SLC17A5: variants seen among roughly 807,000 people sequenced by gnomAD.
SLC17A5 encodes the protein solute carrier family 17 member 5.
A neutral mutation model predicts 59.4 loss-of-function variants in SLC17A5; 47 were observed. The ratio of observed to expected loss-of-function variants is 0.79; its 90% CI spans 0.63 to 1.01. SLC17A5 has a LOEUF of 1.01. Among genes scored for constraint, SLC17A5 ranks in the 50% least tolerant of loss-of-function variants. The probability of loss-of-function intolerance (pLI) is 0.00; values close to 1 mark genes in which losing one functional copy is unlikely to be tolerated. For missense variants in SLC17A5, 522 were observed against 595.5 expected, an observed-to-expected ratio of 0.88 and a Z score of 1.28; for synonymous variants, 202 against 210.7, an observed-to-expected ratio of 0.96 and a Z score of 0.36.
intron 9 of SLC17A5, among the ~76,000 whole-genome samples, chr6:73,607,633 G>C (rs79683536): frequency 6.6e-6 from 1 of 151,982 alleles, no homozygotes; most frequent in Non-Finnish European, 1.5e-5. Flanking sequence ...GAGCAGGGGG[G>C]GCCCTCATCA....
Position 73,641,651 on chromosome 6 carries a change from C to T in SLC17A5, c.525+40G>A, listed in dbSNP as rs779542821. On this transcript the variant is annotated intron_variant, in intron 3 of 10. Transcript: ENST00000355773. Reference sequence around the variant, plus strand: ...CATCTTTAAGAAGAAGAGAAGGAGACACACGGTAAGAAGTAAAACAAGAGA... The same window carrying T: ...CATCTTTAAGAAGAAGAGAAGGAGATACACGGTAAGAAGTAAAACAAGAGA... The T allele has an allele frequency of 1.9e-5, 27 of 1,396,504 alleles. No individual in the cohort carries two copies. The East Asian group carries it at 2.1e-4, about 11-fold the overall frequency. The allele number at this position is 1,396,504 out of a possible 1,614,324, so 86.5% of individuals were successfully genotyped here.
chr6:73,616,021 G>T (rs928976511), intron 7 of SLC17A5, among the ~76,000 whole-genome samples: 4 of 151,480 alleles, frequency 2.6e-5, no homozygotes, highest in Admixed American at 2.0e-4. Flanking sequence ...GAGTAGCTGG[G>T]GTTACAGGTG....
rs748801850 is a variant in SLC17A5 at position 73,653,773 on chromosome 6, T to C, written c.94+20A>G. On this transcript the variant is annotated intron_variant, in intron 1 of 10. Transcript: ENST00000355773. ...GGTACCGCTGCCCACTCGAAGCCCCTGGACGACCCCGCCGCTTACCGGCTT... is the reference window on the plus strand; with the variant it reads ...GGTACCGCTGCCCACTCGAAGCCCCCGGACGACCCCGCCGCTTACCGGCTT... 1.6e-4 allele frequency: 250 copies of C among 1,563,572 alleles called. No homozygotes were observed. The highest frequency in any genetic ancestry group is 3.4e-4 in the Middle Eastern group (2 of 5,902).
chr6:73,600,705 T>G (rs778346389), intron 9 of SLC17A5, among the ~76,000 whole-genome samples: 14 of 152,062 alleles, frequency 9.2e-5, no homozygotes, highest in Non-Finnish European at 2.1e-4. Flanking sequence ...CTCACCATGT[T>G]GGCCAGGCTG....
At chr6:73,615,690 T>C (rs919244818) in intron 7 of SLC17A5, among the ~76,000 whole-genome samples, 1 of 152,082 alleles carries the variant, frequency 6.6e-6, no homozygotes, top group Non-Finnish European at 1.5e-5. Context: ...CCTGTCTGCT[T>C]CGGGTAATCT....
At chr6:73,635,658 G>A (rs565363077) in intron 5 of SLC17A5, among the ~76,000 whole-genome samples, 158 bp from the exon 6 acceptor site, 5 of 151,878 alleles carry the variant, frequency 3.3e-5, no homozygotes, top group Non-Finnish European at 7.4e-5. Context: ...ACTTCAGTTT[G>A]GATTCAATTT....
chr6:73,602,496 T>C (rs12192512), intron 9 of SLC17A5, among the ~76,000 whole-genome samples: 59,526 of 151,684 alleles, frequency 0.39, 12,140 homozygotes, highest in African/African-American at 0.48. Context: ...AGAGGAAGGC[T>C]GGGCGCGGTG....
At chr6:73,610,293 C>T (rs1025656284) in intron 9 of SLC17A5, 107 bp downstream of exon 9, 4 of 1,372,506 alleles carry the variant, frequency 2.9e-6, no homozygotes, top group Non-Finnish European at 3.1e-6. Context: ...CTTGGCCTCC[C>T]AAAGTGCTGG....
chr6:73,649,920 T>C (rs1333591386), intron 1 of SLC17A5, among the ~76,000 whole-genome samples: 2 of 152,062 alleles, frequency 1.3e-5, no homozygotes, highest in African/African-American at 4.8e-5. Context: ...CCATACAGAA[T>C]TGGTGGGAAC....
At chr6:73,616,669 C>T (rs1391269843) in intron 7 of SLC17A5, among the ~76,000 whole-genome samples, 3 of 148,528 alleles carry the variant, frequency 2.0e-5, no homozygotes, top group South Asian at 4.3e-4. Flanking sequence ...AGTGCAGTGG[C>T]GTGATCTTGG....
intron 1 of SLC17A5, among the ~76,000 whole-genome samples, chr6:73,645,820 G>A (rs1769531171): frequency 6.7e-6 from 1 of 149,718 alleles, no homozygotes. Context: ...AAAGAATGCA[G>A]AGTAGGTTGG....
At chr6:73,618,214 G>A (rs1336911102) in intron 7 of SLC17A5, 1 of 149,882 alleles carries the variant, frequency 6.7e-6, no homozygotes, top group African/African-American at 2.5e-5. Context: ...GGGCAACAGA[G>A]CAAGACTCAG....
intron 6 of SLC17A5, among the ~76,000 whole-genome samples, chr6:73,625,519 G>A (rs1341372301): frequency 1.3e-5 from 2 of 152,132 alleles, no homozygotes; most frequent in Non-Finnish European, 2.9e-5. Context: ...GATCAAAGAT[G>A]TACAGATATA....
At chr6:73,638,728 GGGAGGCCAAGGCAGGA>G (rs1468772009) in intron 3 of SLC17A5, among the ~76,000 whole-genome samples, 5 of 152,144 alleles carry the variant, frequency 3.3e-5, no homozygotes, top group Non-Finnish European at 7.4e-5. Flanking sequence ...CCAGCACTTT[GGGAGGCCAAGGCAGGA>G]GGATTGCTTG....
chr6:73,600,325 A>G, intron 10 of SLC17A5, 26 bp downstream of exon 10: 1 of 1,548,746 alleles, frequency 6.5e-7, no homozygotes, highest in Non-Finnish European at 8.9e-7. Flanking sequence ...AAACCTTTCC[A>G]GTTTACAAGT....
chr6:73,605,907 G>A (rs905840157), intron 9 of SLC17A5, among the ~76,000 whole-genome samples: 27 of 152,210 alleles, frequency 1.8e-4, no homozygotes, highest in African/African-American at 6.3e-4. Flanking sequence ...AACCCAAGAG[G>A]CAGAGGTTGC....
chr6:73,594,948 A>AG lies in SLC17A5; in HGVS notation c.*128dup, dbSNP rs1241806893. The stretch of plus-strand genomic sequence containing the variant: ...GCAACTAGTGATATTTCATGATTAT[A>AG]GGCCTTAAAAATCTAATACAAGTAC... On this transcript the variant is annotated 3_prime_UTR_variant, in exon 11 of 11. Coordinates refer to ENST00000355773, the MANE Select transcript of SLC17A5 (RefSeq NM_012434.5). 1.1e-6 allele frequency: 1 copy of AG among 940,846 alleles called. No homozygotes were observed. The highest frequency in any genetic ancestry group is 2.4e-5 in the East Asian group (1 of 41,250). 58.3% of individuals were successfully genotyped at this position (940,846 alleles called of 1,614,324 possible).
intron 6 of SLC17A5, among the ~76,000 whole-genome samples, chr6:73,625,102 A>G (rs985717537): frequency 1.3e-5 from 2 of 152,148 alleles, no homozygotes; most frequent in African/African-American, 4.8e-5. Context: ...GTATTGCCCA[A>G]CCTTCTTCTG....
At chr6:73,626,556 T>A (rs62440461) in intron 6 of SLC17A5, among the ~76,000 whole-genome samples, 8,474 of 152,262 alleles carry the variant, frequency 0.056, 422 homozygotes, top group Admixed American at 0.16. Context: ...TATCCGCGTA[T>A]CTAGCAGACA....
Sources: gnomAD v4.1 joint callset for allele counts (sites outside exome capture counted in the v4.1 genomes callset) on GRCh38, gnomAD v4.1.1 for gene constraint, MANE v1.5 for transcripts, NCBI Gene and HGNC (gene_info 2026-07-23, HGNC 2026-07-21) for gene names.